Variants in FANCL observed in about 807,000 individuals in gnomAD.
The protein encoded by FANCL is E3 ubiquitin-protein ligase FANCL.
Under a neutral mutation model 59.4 loss-of-function variants are expected in FANCL, and 69 were observed. That is an observed-to-expected ratio of 1.16 (90% CI 0.96 to 1.42). The LOEUF is 1.42. Ranked by LOEUF, FANCL falls within the 40% of genes most tolerant of loss-of-function variation. FANCL has a pLI of 0.00. For missense variants in FANCL, 519 were observed against 447.2 expected, an observed-to-expected ratio of 1.16 and a Z score of -1.45; for synonymous variants, 180 against 147.1, an observed-to-expected ratio of 1.22 and a Z score of -1.62.
chr2:58,212,982 T>A (rs1021480993), intron 5 of FANCL, among the ~76,000 whole-genome samples: 2 of 152,246 alleles, frequency 1.3e-5, no homozygotes, highest in African/African-American at 4.8e-5. Context: ...AACTTAGAAT[T>A]TGTATAATGT....
chr2:58,241,204 C>G lies in FANCL; in HGVS notation c.96+14G>C, dbSNP rs752302198. On this transcript the variant is annotated intron_variant, in intron 1 of 13. Transcript: ENST00000233741. The stretch of plus-strand genomic sequence containing the variant: ...GAGGCTCTCTTAGCTAGAAAGCAAC[C>G]ACTGGGCGGGTACCTGAGCCGAGAT... 1.2e-6 allele frequency: 2 copies of G among 1,613,986 alleles called. No homozygotes were observed. Among genetic ancestry groups the G allele is most frequent in the South Asian group, 1.1e-5 (1 of 91,082 alleles).
intron 2 of FANCL, among the ~76,000 whole-genome samples, 170 bp from the exon 3 acceptor site, chr2:58,230,044 G>A (rs1693418347): frequency 6.6e-6 from 1 of 152,096 alleles, no homozygotes; most frequent in Admixed American, 6.5e-5. Context: ...CAAACTGTTG[G>A]TACTAATTTT....
At chr2:58,184,363 TCTA>T (rs1446480346) in intron 7 of FANCL, among the ~76,000 whole-genome samples, 11 of 152,028 alleles carry the variant, frequency 7.2e-5, no homozygotes, top group African/African-American at 2.7e-4. Context: ...GCATTATAAA[TCTA>T]CTATTATTGT....
intron 7 of FANCL, among the ~76,000 whole-genome samples, chr2:58,181,712 T>C (rs947957354): frequency 2.6e-5 from 4 of 151,936 alleles, no homozygotes; most frequent in African/African-American, 9.7e-5. Context: ...GGTGGATACA[T>C]GGGTATTCAC....
In FANCL at chr2:58,171,547, G is replaced by C. The variant is rs1686612947; in HGVS notation, c.541-5673C>G. 1.3e-5 allele frequency among the ~76,000 whole-genome samples: 2 copies of C among 152,102 alleles called. 1 individual carries two copies. The highest frequency in any genetic ancestry group is 4.1e-4 in the South Asian group (2 of 4,826). On this transcript the variant is annotated intron_variant, in intron 7 of 13. Transcript: ENST00000233741. ...TCAGAGCAGAACTGAAGGAGATAGA[G>C]ACACGAAAAACCCTTCAAAAAAATC...
chr2:58,202,334 G>T (rs1453737410), intron 6 of FANCL, among the ~76,000 whole-genome samples: 1 of 141,210 alleles, frequency 7.1e-6, no homozygotes, highest in Non-Finnish European at 1.5e-5. Flanking sequence ...TGCTGAACTT[G>T]TTTATTCTAC....
intron 7 of FANCL, among the ~76,000 whole-genome samples, chr2:58,170,597 A>T (rs1686482811): frequency 6.6e-6 from 1 of 152,086 alleles, no homozygotes; most frequent in East Asian, 1.9e-4. Flanking sequence ...GTGAAGACCC[A>T]CTGCTATGCT....
chr2:58,184,238 C>T (rs1007047225), intron 7 of FANCL, among the ~76,000 whole-genome samples: 10 of 152,088 alleles, frequency 6.6e-5, no homozygotes, highest in African/African-American at 2.2e-4. Context: ...TAACAATTTA[C>T]TCTTTGATCA....
At chr2:58,195,922 C>G (rs1379151908) in intron 7 of FANCL, among the ~76,000 whole-genome samples, 1 of 152,070 alleles carries the variant, frequency 6.6e-6, no homozygotes, top group African/African-American at 2.4e-5. Context: ...AAAACCCATA[C>G]TAAAAGTCTC....
intron 1 of FANCL, among the ~76,000 whole-genome samples, chr2:58,239,690 T>C (rs895091047): frequency 6.6e-6 from 1 of 152,226 alleles, no homozygotes; most frequent in East Asian, 1.9e-4. Flanking sequence ...ATGAAATGTA[T>C]GCTCAAGTAT....
intron 7 of FANCL, among the ~76,000 whole-genome samples, chr2:58,173,553 G>T (rs1460406739): frequency 6.6e-6 from 1 of 152,054 alleles, no homozygotes; most frequent in Non-Finnish European, 1.5e-5. Context: ...ATAAGTGAAG[G>T]AGAAATAAAA....
At chr2:58,184,655 TA>T (rs1688235271) in intron 7 of FANCL, among the ~76,000 whole-genome samples, 1 of 151,986 alleles carries the variant, frequency 6.6e-6, no homozygotes, top group South Asian at 2.1e-4. Context: ...AAACAACCCT[TA>T]AACATACATA....
chr2:58,233,314 C>A (rs752611534), intron 1 of FANCL, among the ~76,000 whole-genome samples: 1 of 151,958 alleles, frequency 6.6e-6, no homozygotes, highest in Non-Finnish European at 1.5e-5. Flanking sequence ...TTTGCAAAGC[C>A]CAGCCATTTT....
Position 58,165,855 on chromosome 2 carries a change from T to C in FANCL, c.560A>G (p.Tyr187Cys). 2 of 1,614,062 alleles carry C rather than the reference T, an allele frequency of 1.2e-6. No homozygotes were observed. The highest frequency in any genetic ancestry group is 2.7e-5 in the African/African-American group (2 of 75,046). ...WTPQSSLISI[Y>C]SQFLAAIESL... ...TTCTATTGCTGCCAAAAACTGACTA[T>C]AAATGCTTATTAAGGAGCTCTGTGA... The change falls in exon 8 of 14, where the codon TAT (tyrosine) becomes TGT (cysteine). Residue 187 changes from tyrosine (Y) to cysteine (C), a missense_variant. Physicochemically the swap from Tyr to Cys is radical, Grantham distance 194. Transcript: ENST00000233741.
intron 7 of FANCL, chr2:58,194,269 G>A (rs1027310560): frequency 1.7e-5 from 8 of 470,960 alleles, no homozygotes; most frequent in Admixed American, 9.4e-5. Flanking sequence ...TGCTTGATCA[G>A]TGACCTGGAC....
chr2:58,161,895 T>C (rs921350635), intron 11 of FANCL, among the ~76,000 whole-genome samples: 3 of 151,952 alleles, frequency 2.0e-5, no homozygotes, highest in South Asian at 2.1e-4. Context: ...TTTATAAATA[T>C]AGTTTTTATA....
intron 8 of FANCL, among the ~76,000 whole-genome samples, chr2:58,163,805 G>A (rs1429325625): frequency 2.0e-5 from 3 of 151,904 alleles, no homozygotes; most frequent in African/African-American, 7.2e-5. Context: ...AAAATGTTCT[G>A]TGGAGTGATA....
intron 3 of FANCL, among the ~76,000 whole-genome samples, chr2:58,227,847 C>T (rs533006527): frequency 2.6e-5 from 4 of 152,082 alleles, no homozygotes; most frequent in Non-Finnish European, 5.9e-5. Flanking sequence ...CCTTCTGTAT[C>T]ACTACTATGT....
chr2:58,235,230 T>A (rs1250679694), intron 1 of FANCL, among the ~76,000 whole-genome samples: 1 of 150,950 alleles, frequency 6.6e-6, no homozygotes, highest in East Asian at 2.0e-4. Context: ...TGACAAGGAG[T>A]CTTCAGCTGA....
Sources: gnomAD v4.1 joint callset for allele counts (sites outside exome capture counted in the v4.1 genomes callset) on GRCh38, gnomAD v4.1.1 for gene constraint, MANE v1.5 for transcripts, NCBI Gene and HGNC (gene_info 2026-07-23, HGNC 2026-07-21) for gene names.